The following SUCLG2 variants were observed in gnomAD, a reference collection of about 807,000 sequenced individuals.
SUCLG2 encodes the protein succinate--CoA ligase [GDP-forming] subunit beta, mitochondrial.
SUCLG2 carries 42 observed loss-of-function variants against 47.9 expected under a neutral mutation model. The ratio of observed to expected loss-of-function variants is 0.88; its 90% CI spans 0.69 to 1.14. SUCLG2 has a LOEUF of 1.14. Among genes scored for constraint, SUCLG2 ranks in the 50% most tolerant of loss-of-function variants. The pLI is 0.00. For missense variants in SUCLG2, 571 were observed against 525.9 expected, an observed-to-expected ratio of 1.09 and a Z score of -0.84; for synonymous variants, 195 against 197.3, an observed-to-expected ratio of 0.99 and a Z score of 0.10.
chr3:67,435,104 C>G (rs1262492096), intron 9 of SUCLG2, among the ~76,000 whole-genome samples: 1 of 152,116 alleles, frequency 6.6e-6, no homozygotes, highest in Non-Finnish European at 1.5e-5. Context: ...TACAGTAGGA[C>G]CTCTCCTCCA....
chr3:67,388,292 G>T (rs1468866776), intron 10 of SUCLG2, among the ~76,000 whole-genome samples: 1 of 152,146 alleles, frequency 6.6e-6, no homozygotes, highest in African/African-American at 2.4e-5. Context: ...AAGAATCTGG[G>T]ATCTTTATCA....
At chr3:67,627,869 T>G (rs978312592) in intron 1 of SUCLG2, among the ~76,000 whole-genome samples, 3 of 152,308 alleles carry the variant, frequency 2.0e-5, no homozygotes, top group Middle Eastern at 3.4e-3. Context: ...ATCCCAGCTC[T>G]GCAGGACCTA....
intron 6 of SUCLG2, among the ~76,000 whole-genome samples, chr3:67,515,239 A>G (rs989544930): frequency 6.6e-6 from 1 of 152,226 alleles, no homozygotes; most frequent in Non-Finnish European, 1.5e-5. Context: ...AATTTATCCT[A>G]AGTATAAATA....
chr3:67,531,199 C>T (rs1311092477), intron 2 of SUCLG2, among the ~76,000 whole-genome samples: 1 of 152,094 alleles, frequency 6.6e-6, no homozygotes, highest in Non-Finnish European at 1.5e-5. Context: ...AAAAATGGCA[C>T]ACAGGAAGAC....
chr3:67,448,480 G>A (rs1463214130), intron 9 of SUCLG2, among the ~76,000 whole-genome samples: 1 of 152,144 alleles, frequency 6.6e-6, no homozygotes, highest in African/African-American at 2.4e-5. Context: ...CTGCTCCCGG[G>A]TTCAAGTGAT....
chr3:67,459,469 G>A (rs1704271937), intron 9 of SUCLG2, among the ~76,000 whole-genome samples: 1 of 152,120 alleles, frequency 6.6e-6, no homozygotes, highest in Admixed American at 6.5e-5. Flanking sequence ...ACATCCATGT[G>A]TCTTTCTTTA....
intron 6 of SUCLG2, among the ~76,000 whole-genome samples, 198 bp downstream of exon 6, chr3:67,518,048 AT>A (rs1326234064): frequency 6.6e-6 from 1 of 152,236 alleles, no homozygotes; most frequent in Non-Finnish European, 1.5e-5. Flanking sequence ...ACCAAAACAC[AT>A]TCAAAGACAC....
intron 9 of SUCLG2, among the ~76,000 whole-genome samples, chr3:67,405,735 G>C (rs1232781964): frequency 6.6e-6 from 1 of 152,150 alleles, no homozygotes; most frequent in Non-Finnish European, 1.5e-5. Flanking sequence ...CAGAATTTTT[G>C]TCTGAATGTG....
intron 1 of SUCLG2, among the ~76,000 whole-genome samples, chr3:67,626,342 G>A (rs554337772): frequency 2.6e-5 from 4 of 151,356 alleles, no homozygotes; most frequent in South Asian, 2.1e-4. Flanking sequence ...GCAGAGCGGG[G>A]GCTCGGGCAA....
chr3:67,457,675 C>T, intron 9 of SUCLG2, among the ~76,000 whole-genome samples: 1 of 113,096 alleles, frequency 8.8e-6, no homozygotes, highest in South Asian at 3.2e-4. Context: ...AACAAAAGAA[C>T]AAAAGCAGCT....
At chr3:67,592,335 A>C (rs1364893404) in intron 2 of SUCLG2, among the ~76,000 whole-genome samples, 2 of 152,170 alleles carry the variant, frequency 1.3e-5, no homozygotes, top group East Asian at 1.9e-4. Flanking sequence ...AAAACAAACA[A>C]CACAAATAAA....
intron 10 of SUCLG2, among the ~76,000 whole-genome samples, chr3:67,396,798 G>C (rs1321306691): frequency 6.6e-6 from 1 of 152,180 alleles, no homozygotes; most frequent in Non-Finnish European, 1.5e-5. Context: ...ACCGAATCTA[G>C]CAGCATATCA....
At chr3:67,404,713 T>C in intron 9 of SUCLG2, among the ~76,000 whole-genome samples, 1 of 152,158 alleles carries the variant, frequency 6.6e-6, no homozygotes, top group East Asian at 1.9e-4. Flanking sequence ...AATGGAAATC[T>C]GATTTAAGGT....
intron 1 of SUCLG2, among the ~76,000 whole-genome samples, chr3:67,653,719 C>G (rs553637229): frequency 6.6e-6 from 1 of 152,320 alleles, no homozygotes; most frequent in South Asian, 2.1e-4. Context: ...GTGATTTCTA[C>G]AAGAGTCATC....
intron 2 of SUCLG2, among the ~76,000 whole-genome samples, chr3:67,574,054 A>G (rs1389550035): frequency 6.6e-6 from 1 of 152,180 alleles, no homozygotes; most frequent in Admixed American, 6.6e-5. Flanking sequence ...GAGGACACAT[A>G]CATTCCTTGG....
intron 2 of SUCLG2, among the ~76,000 whole-genome samples, chr3:67,571,472 T>C (rs1185787039): frequency 1.3e-5 from 2 of 152,226 alleles, no homozygotes; most frequent in African/African-American, 4.8e-5. Context: ...TAAGGGCCAG[T>C]GTCCAAATGC....
chr3:67,528,615 AG>A (rs1706316808), intron 3 of SUCLG2, among the ~76,000 whole-genome samples: 1 of 152,166 alleles, frequency 6.6e-6, no homozygotes, highest in South Asian at 2.1e-4. Context: ...AATAGTAAAA[AG>A]GTGTGTGACA....
intron 2 of SUCLG2, among the ~76,000 whole-genome samples, chr3:67,592,736 ACAAC>A (rs780275143): frequency 0.071 from 4,320 of 60,650 alleles, 386 homozygotes; most frequent in East Asian, 0.11. Context: ...AAAAAAAAAA[ACAAC>A]AAAAAAAAAC....
chr3:67,601,300 AAT>A (rs1223022539), intron 2 of SUCLG2, among the ~76,000 whole-genome samples: 4 of 152,224 alleles, frequency 2.6e-5, no homozygotes, highest in African/African-American at 9.6e-5. Context: ...TCCTCTAAGT[AAT>A]GAGATTAGAA....
Sources: gnomAD v4.1 joint callset for allele counts (sites outside exome capture counted in the v4.1 genomes callset) on GRCh38, gnomAD v4.1.1 for gene constraint, MANE v1.5 for transcripts, NCBI Gene and HGNC (gene_info 2026-07-23, HGNC 2026-07-21) for gene names.